ATP9B: variants seen among roughly 807,000 people sequenced by gnomAD.
ATP9B encodes probable phospholipid-transporting ATPase IIB.
A neutral mutation model predicts 146.1 loss-of-function variants in ATP9B; 110 were observed. The ratio of observed to expected loss-of-function variants is 0.75; its 90% CI spans 0.65 to 0.88. ATP9B has a LOEUF of 0.88. Ranked by LOEUF, ATP9B falls within the 40% of genes least tolerant of loss-of-function variation. ATP9B has a pLI of 0.00. For missense variants in ATP9B, 1,499 were observed against 1,496.4 expected (o/e 1.00, Z -0.03); for synonymous variants, 604 against 569.7 (o/e 1.06, Z -0.86).
At chr18:79,220,326 T>C (rs890466571) in intron 11 of ATP9B, among the ~76,000 whole-genome samples, 3 of 152,176 alleles carry the variant, frequency 2.0e-5, no homozygotes, top group African/African-American at 7.2e-5. Context: ...TTCTGCCAGG[T>C]GCAGTGGCTC....
At chr18:79,100,654 A>C (rs1216112466) in intron 2 of ATP9B, among the ~76,000 whole-genome samples, 1 of 152,182 alleles carries the variant, frequency 6.6e-6, no homozygotes, top group Non-Finnish European at 1.5e-5. Flanking sequence ...AATAGTATAG[A>C]GGGGTCCTGT....
intron 8 of ATP9B, among the ~76,000 whole-genome samples, chr18:79,183,774 T>A (rs556784062): frequency 7.4e-6 from 1 of 135,760 alleles, no homozygotes; most frequent in South Asian, 2.3e-4. Context: ...GGGGAGTATT[T>A]TTTTTTTAGT....
At chr18:79,241,048 T>C (rs1599195884) in intron 11 of ATP9B, among the ~76,000 whole-genome samples, 1 of 152,316 alleles carries the variant, frequency 6.6e-6, no homozygotes, top group African/African-American at 2.4e-5. Context: ...TAAAGGGCTA[T>C]TGGGTTGTAA....
rs1312245762 is a variant in ATP9B at position 79,287,664 on chromosome 18, G to T, written c.1411+10468G>T. On this transcript the variant is annotated intron_variant, in intron 13 of 29. Coordinates refer to ENST00000426216, the MANE Select transcript of ATP9B (RefSeq NM_198531.5). ...TATTTCTTGCCTTCTGCTAGCTTTT[G>T]AATGTGTTTGCTCTTGCTTTTCTAG... is the stretch of plus-strand genomic sequence containing the variant. 2.6e-5 allele frequency among the ~76,000 whole-genome samples: 4 copies of T among 151,958 alleles called. No homozygotes were observed. In the East Asian group the frequency reaches 5.8e-4, roughly 22 times the overall value.
intron 6 of ATP9B, chr18:79,145,396 A>G (rs868532200): frequency 6.1e-5 from 7 of 114,148 alleles, no homozygotes; most frequent in African/African-American, 1.3e-4. Flanking sequence ...CTGAAGGTGC[A>G]AGCTGCATGT....
chr18:79,090,961 CAGTG>C (rs1490662895), intron 1 of ATP9B, among the ~76,000 whole-genome samples: 20 of 152,172 alleles, frequency 1.3e-4, no homozygotes, highest in African/African-American at 3.9e-4. Context: ...TTTTTGTAGA[CAGTG>C]AGAGATAGGA....
rs1288209440 is a variant in ATP9B, at chr18:79,330,069, C to T, written c.1993C>T (p.Pro665Ser). ...YMKGADVAMS[P>S]IVQYNDWLEE... ...GAAGGGCGCTGACGTGGCCATGTCTCCTATCGTGCAGTATAATGACTGGCT... is the reference window on the plus strand; with the variant it reads ...GAAGGGCGCTGACGTGGCCATGTCTTCTATCGTGCAGTATAATGACTGGCT... The change falls in exon 17 of 30, where the codon CCT becomes TCT. Residue 665 changes from proline to serine, a missense_variant. By Grantham distance (74) the Pro-to-Ser change is moderately conservative. Transcript: ENST00000426216. 7.4e-6 allele frequency: 12 copies of T among 1,614,010 alleles called. No individual in the cohort carries two copies. Among genetic ancestry groups the T allele is most frequent in the African/African-American group, 1.3e-5 (1 of 74,920 alleles).
intron 1 of ATP9B, among the ~76,000 whole-genome samples, chr18:79,084,144 A>G (rs1305971782): frequency 6.6e-6 from 1 of 150,418 alleles, no homozygotes; most frequent in Non-Finnish European, 1.5e-5. Context: ...GGCGTGAGCC[A>G]CTGCGCCTGG....
intron 5 of ATP9B, among the ~76,000 whole-genome samples, chr18:79,137,771 T>G (rs1210419066): frequency 2.0e-5 from 3 of 152,232 alleles, no homozygotes; most frequent in Non-Finnish European, 2.9e-5. Context: ...CCTCCTTTTC[T>G]AGGCGTCCTC....
At chr18:79,314,603 A>C (rs1225193848) in intron 15 of ATP9B, among the ~76,000 whole-genome samples, 1 of 152,230 alleles carries the variant, frequency 6.6e-6, no homozygotes, top group Non-Finnish European at 1.5e-5. Flanking sequence ...TTTCGTATTC[A>C]TAATGTGGAA....
intron 7 of ATP9B, chr18:79,173,866 C>G (rs2147908448): frequency 4.8e-6 from 2 of 414,752 alleles, no homozygotes; most frequent in Middle Eastern, 7.1e-4. Flanking sequence ...TTAGAATAAT[C>G]TTGCCTATAT....
chr18:79,345,290 G>T, intron 21 of ATP9B, 138 bp from the exon 22 acceptor site: 1 of 1,023,986 alleles, frequency 9.8e-7, no homozygotes. Context: ...CCTGTGAAAT[G>T]ATTCACAGAA....
chr18:79,082,846 CT>C (rs1363679449), intron 1 of ATP9B, among the ~76,000 whole-genome samples: 2 of 152,210 alleles, frequency 1.3e-5, no homozygotes, highest in Admixed American at 6.5e-5. Flanking sequence ...CTGTTGACCC[CT>C]GCTAGGAGGT....
chr18:79,355,053 C>T (rs994282306), intron 25 of ATP9B, among the ~76,000 whole-genome samples: 3 of 152,244 alleles, frequency 2.0e-5, no homozygotes, highest in African/African-American at 7.2e-5. Context: ...TGGGAGGAGG[C>T]AGGACTGCAT....
chr18:79,151,641 A>T (rs1289038194), intron 6 of ATP9B, among the ~76,000 whole-genome samples: 1 of 150,368 alleles, frequency 6.7e-6, no homozygotes, highest in Non-Finnish European at 1.5e-5. Context: ...ACCAAATTCT[A>T]CTCCAATCAG....
chr18:79,097,841 G>A (rs1005363109), intron 2 of ATP9B, among the ~76,000 whole-genome samples: 1 of 148,756 alleles, frequency 6.7e-6, no homozygotes, highest in Non-Finnish European at 1.5e-5. Context: ...AAACATACGT[G>A]TGCATGTGTC....
At chr18:79,129,955 T>C (rs2094350444) in intron 5 of ATP9B, among the ~76,000 whole-genome samples, 1 of 152,178 alleles carries the variant, frequency 6.6e-6, no homozygotes, top group African/African-American at 2.4e-5. Context: ...TTGGCCAGGC[T>C]GGTCTCAAAC....
intron 1 of ATP9B, among the ~76,000 whole-genome samples, chr18:79,090,233 T>G (rs748485208): frequency 6.6e-6 from 1 of 152,206 alleles, no homozygotes; most frequent in East Asian, 1.9e-4. Flanking sequence ...GCAACAAACA[T>G]AGGAATGCAG....
intron 1 of ATP9B, among the ~76,000 whole-genome samples, chr18:79,084,366 A>G (rs2073602386): frequency 6.6e-6 from 1 of 152,092 alleles, no homozygotes; most frequent in South Asian, 2.1e-4. Flanking sequence ...ACTGTGGTAA[A>G]ATATAGGTAA....
Sources: allele counts gnomAD v4.1 joint callset (sites outside exome capture counted in the v4.1 genomes callset), GRCh38; gene constraint gnomAD v4.1.1; transcripts MANE v1.5; gene names NCBI Gene and HGNC (gene_info 2026-07-23, HGNC 2026-07-21).